SNRPN: variants seen among roughly 807,000 people sequenced by gnomAD.
The protein encoded by SNRPN is small nuclear ribonucleoprotein polypeptide N, also known as small nuclear ribonucleoprotein-associated protein N.
Under a neutral mutation model 25.2 loss-of-function variants are expected in SNRPN, and 7 were observed. The observed-to-expected ratio is 0.28, with a 90% confidence interval of 0.16 to 0.52. SNRPN has a LOEUF of 0.52. Ranked by LOEUF, SNRPN falls within the 20% of genes least tolerant of loss-of-function variation. The probability of loss-of-function intolerance (pLI) is 0.96; values close to 1 mark genes in which losing one functional copy is unlikely to be tolerated. For synonymous variants in SNRPN, 124 were observed against 110.6 expected (o/e 1.12, Z -0.76); for missense variants, 196 against 322.5 (o/e 0.61, Z 3.00).
rs1358632412 is a variant in SNRPN at position 24,976,472 on chromosome 15, T to C, written c.267+56T>C. On this transcript the variant is annotated intron_variant, in intron 6 of 9. Transcript: ENST00000390687. ...TAATTTGCAGGGACATCATATTATG[T>C]GAGATGTCTGAAATCAGGGTAGAGC... 6.6e-5 allele frequency: 77 copies of C among 1,158,222 alleles called. No individual in the cohort carries two copies. The Admixed American group carries it at 1.5e-3, about 22-fold the overall frequency. The allele number at this position is 1,158,222 out of a possible 1,614,324, so 71.7% of individuals were successfully genotyped here. A position where few individuals can be genotyped will look rare whatever the true frequency, so the allele number is the denominator to read the frequency against.
intron 2 of SNRPN, chr15:24,908,914 A>G (rs1489340024): frequency 2.1e-6 from 2 of 966,400 alleles, no homozygotes; most frequent in Non-Finnish European, 3.2e-6. Flanking sequence ...AAATCATCAT[A>G]GAAAATTGTT....
chr15:24,863,318 A>T (rs1312608537), intron 1 of SNRPN, among the ~76,000 whole-genome samples: 4 of 150,796 alleles, frequency 2.7e-5, no homozygotes, highest in Admixed American at 2.6e-4. Context: ...ACTGCAGATA[A>T]GGGGGGTTCC....
rs967188873 is a variant in SNRPN, at chr15:24,934,142, A to G, written c.-391+14018A>G. On this transcript the variant is annotated intron_variant, in intron 3 of 11. Coordinates refer to the SNRPN transcript ENST00000400097. ...GTGAAACCCCGTCTCTATTAAAAAT[A>G]CAAAAATTAGCTGGGTGTGGTGGTG... 2.6e-5 allele frequency among the ~76,000 whole-genome samples: 4 copies of G among 152,150 alleles called. No individual in the cohort carries two copies. In the East Asian group the frequency reaches 7.8e-4, roughly 30 times the overall value.
chr15:24,959,253 A>G (rs1380236355), intron 1 of SNRPN, among the ~76,000 whole-genome samples: 1 of 152,162 alleles, frequency 6.6e-6, no homozygotes, highest in African/African-American at 2.4e-5. Flanking sequence ...AGATAAATGC[A>G]TGTGTGTGTG....
chr15:24,869,759 T>G (rs1332345450), intron 1 of SNRPN, among the ~76,000 whole-genome samples: 1 of 152,170 alleles, frequency 6.6e-6, no homozygotes, highest in Non-Finnish European at 1.5e-5. Flanking sequence ...GTAAAATTAT[T>G]TCTTTCTCCA....
intron 1 of SNRPN, among the ~76,000 whole-genome samples, chr15:24,879,131 T>C (rs1395574654): frequency 6.6e-6 from 1 of 152,176 alleles, no homozygotes. Context: ...CCGCCACGTA[T>C]TCTTTTGAAA....
At chr15:24,837,419 G>A (rs1207211699) in intron 2 of SNRPN, among the ~76,000 whole-genome samples, 2 of 150,722 alleles carry the variant, frequency 1.3e-5, no homozygotes, top group African/African-American at 2.4e-5. Flanking sequence ...CCAGGCTGGA[G>A]TGCAGTGGCT....
chr15:24,850,230 G>A (rs1200158228), intron 2 of SNRPN: 1 of 152,210 alleles, frequency 6.6e-6, no homozygotes, highest in Non-Finnish European at 1.5e-5. Flanking sequence ...AATAGTGATT[G>A]TAACAACACT....
chr15:24,943,428 C>T (rs1226720304), intron 3 of SNRPN, among the ~76,000 whole-genome samples: 1 of 152,098 alleles, frequency 6.6e-6, no homozygotes, highest in Admixed American at 6.6e-5. Flanking sequence ...GCCATAGGTG[C>T]AGCTGGGATA....
chr15:24,896,679 A>G (rs1011782784), intron 2 of SNRPN, among the ~76,000 whole-genome samples: 1 of 151,972 alleles, frequency 6.6e-6, no homozygotes, highest in African/African-American at 2.4e-5. Context: ...GTGCCACTGC[A>G]CTCCAGCCTG....
At chr15:24,916,794 C>T (rs1299802567) in intron 2 of SNRPN, among the ~76,000 whole-genome samples, 1 of 152,118 alleles carries the variant, frequency 6.6e-6, no homozygotes, top group African/African-American at 2.4e-5. Flanking sequence ...TCACTGACTT[C>T]AAGAATGAAG....
chr15:24,828,598 T>C (rs1297232870), intron 1 of SNRPN, among the ~76,000 whole-genome samples: 1 of 151,982 alleles, frequency 6.6e-6, no homozygotes, highest in Non-Finnish European at 1.5e-5. Flanking sequence ...GCTAAAAATT[T>C]AGAAGGATAG....
At chr15:24,882,670 C>A (rs972026457) in intron 1 of SNRPN, among the ~76,000 whole-genome samples, 2 of 151,686 alleles carry the variant, frequency 1.3e-5, no homozygotes, top group Non-Finnish European at 2.9e-5. Flanking sequence ...ACTAAAAATA[C>A]AAAAATTAGC....
At chr15:24,896,816 A>G (rs2058108900) in intron 2 of SNRPN, among the ~76,000 whole-genome samples, 9 of 152,210 alleles carry the variant, frequency 5.9e-5, no homozygotes. Context: ...TGAATTCTAT[A>G]GCCATTGTAA....
At chr15:24,932,301 C>T (rs759023794) in intron 3 of SNRPN, among the ~76,000 whole-genome samples, 7 of 152,176 alleles carry the variant, frequency 4.6e-5, no homozygotes, top group Non-Finnish European at 1.0e-4. Context: ...ATGGTGCGAT[C>T]TTGGCTCACT....
intron 3 of SNRPN, among the ~76,000 whole-genome samples, chr15:24,939,845 A>G (rs957399533): frequency 1.3e-5 from 2 of 150,034 alleles, no homozygotes; most frequent in Admixed American, 6.7e-5. Context: ...GCTGGAGTAC[A>G]ATGGTGTGAT....
rs1180054506 is a variant in SNRPN, at chr15:24,929,659, C to T, written c.-391+9535C>T. ...CAGCCAACTCTCTATGGGGCTGCCA[C>T]ACGACTTCCTAAAAAGGCATAAACA... On this transcript the variant is annotated intron_variant, in intron 3 of 11. Coordinates refer to the SNRPN transcript ENST00000400097. The surrounding 1 kb of genome is among the most constrained non-coding windows in gnomAD (Gnocchi z 5.3). Among the ~76,000 whole-genome samples, 1 of 152,010 alleles carries T rather than the reference C, an allele frequency of 6.6e-6. No individual in the cohort carries two copies. Among genetic ancestry groups the T allele is most frequent in the Non-Finnish European group, 1.5e-5 (1 of 68,012 alleles).
At chr15:24,846,238 C>T (rs1487336574) in intron 2 of SNRPN, among the ~76,000 whole-genome samples, 1 of 152,076 alleles carries the variant, frequency 6.6e-6, no homozygotes, top group African/African-American at 2.4e-5. Flanking sequence ...AGGTTTATCT[C>T]GAAGTATATC....
chr15:24,841,794 C>T (rs1336786804), intron 2 of SNRPN, among the ~76,000 whole-genome samples: 1 of 152,166 alleles, frequency 6.6e-6, no homozygotes, highest in Non-Finnish European at 1.5e-5. Context: ...GTGTTAGTTC[C>T]TCTCATGCCT....
Sources: allele counts gnomAD v4.1 joint callset (sites outside exome capture counted in the v4.1 genomes callset), GRCh38; gene constraint gnomAD v4.1.1; non-coding constraint Gnocchi (gnomAD v3.1); transcripts MANE v1.5; gene names NCBI Gene and HGNC (gene_info 2026-07-23, HGNC 2026-07-21).